LARP4B: variants seen among roughly 807,000 people sequenced by gnomAD.
The protein encoded by LARP4B is La ribonucleoprotein 4B.
LARP4B carries 12 observed loss-of-function variants against 89.8 expected under a neutral mutation model. The observed-to-expected ratio is 0.13, with a 90% confidence interval of 0.09 to 0.22. The LOEUF is 0.22. LARP4B is among the 10% of genes least tolerant of loss of function. The pLI is 1.00. For synonymous variants in LARP4B, 367 were observed against 363.3 expected, an observed-to-expected ratio of 1.01 and a Z score of -0.12; for missense variants, 757 against 947.7, an observed-to-expected ratio of 0.80 and a Z score of 2.64.
At chr10:945,934 G>A in the LARP4B span, among the ~76,000 whole-genome samples, 5 of 152,192 alleles carry the variant, frequency 3.3e-5, no homozygotes, top group Non-Finnish European at 4.4e-5. Context: ...TGCCTGCCAG[G>A]GAGAGGCCCT....
intron 1 of LARP4B, among the ~76,000 whole-genome samples, chr10:889,367 C>T (rs766015600): frequency 1.1e-4 from 17 of 152,022 alleles, no homozygotes; most frequent in Non-Finnish European, 7.4e-5. Context: ...ATCACAGGGC[C>T]GCTCACACAC....
intron 1 of LARP4B, among the ~76,000 whole-genome samples, chr10:915,988 A>G (rs1256672128): frequency 6.6e-6 from 1 of 152,180 alleles, no homozygotes; most frequent in Non-Finnish European, 1.5e-5. Flanking sequence ...TCTAAAATTA[A>G]GTCTTTTCCA....
the LARP4B span, among the ~76,000 whole-genome samples, chr10:982,660 C>A: frequency 6.6e-6 from 1 of 152,226 alleles, no homozygotes. Flanking sequence ...CCACCAATCA[C>A]ATGGCCTTCC....
At chr10:958,982 C>T in the LARP4B span, among the ~76,000 whole-genome samples, 4 of 152,158 alleles carry the variant, frequency 2.6e-5, no homozygotes, top group Admixed American at 1.3e-4. Context: ...GATGGAGTGG[C>T]ATTTGGAAGA....
the LARP4B span, among the ~76,000 whole-genome samples, chr10:940,904 T>A: frequency 6.6e-6 from 1 of 151,808 alleles, no homozygotes; most frequent in Non-Finnish European, 1.5e-5. Context: ...GGATGGAAAG[T>A]TGGGACTTAA....
upstream of LARP4B, among the ~76,000 whole-genome samples, chr10:931,958 A>G (rs1039661691): frequency 2.1e-5 from 3 of 143,044 alleles, no homozygotes; most frequent in East Asian, 2.1e-4. Flanking sequence ...CGCCCCGCGC[A>G]CGCCGCACGT....
At chr10:926,045 A>G (rs1468143879) in intron 1 of LARP4B, among the ~76,000 whole-genome samples, 4 of 152,280 alleles carry the variant, frequency 2.6e-5, no homozygotes, top group Non-Finnish European at 5.9e-5. Flanking sequence ...ATGTGCAAGT[A>G]TACAATCAGC....
the LARP4B span, among the ~76,000 whole-genome samples, chr10:966,547 A>G: frequency 0.092 from 14,019 of 152,346 alleles, 786 homozygotes; most frequent in Middle Eastern, 0.13. Flanking sequence ...CAGTGTCCGC[A>G]CATCCTACCG....
chr10:950,962 TC>T, the LARP4B span, among the ~76,000 whole-genome samples: 4 of 152,200 alleles, frequency 2.6e-5, no homozygotes, highest in East Asian at 7.7e-4. Context: ...TTTCCGTCCT[TC>T]CCGCCTGCCT....
Position 833,577 on chromosome 10 carries a change from T to C in LARP4B, c.751-2600A>G, listed in dbSNP as rs746883166. Among the ~76,000 whole-genome samples the C allele has an allele frequency of 9.6e-4, 146 of 152,208 alleles. 1 individual carries two copies. The highest frequency in any genetic ancestry group is 1.6e-3 in the Non-Finnish European group (107 of 68,036). On this transcript the variant is annotated intron_variant, in intron 8 of 17. Coordinates refer to ENST00000316157, the MANE Select transcript of LARP4B (RefSeq NM_015155.3). Reference sequence around the variant, plus strand: ...ACATCATTAACCTCTTAAATGTAGATGGGCTACACTCCCAATTAAAAGACA... The same window carrying C: ...ACATCATTAACCTCTTAAATGTAGACGGGCTACACTCCCAATTAAAAGACA...
At chr10:889,430 G>A (rs1166118343) in intron 1 of LARP4B, among the ~76,000 whole-genome samples, 1 of 151,990 alleles carries the variant, frequency 6.6e-6, no homozygotes, top group Admixed American at 6.6e-5. Context: ...CAAATCCACC[G>A]AACATGCACA....
chr10:881,279 C>G (rs1835657249), intron 3 of LARP4B, among the ~76,000 whole-genome samples: 2 of 152,210 alleles, frequency 1.3e-5, no homozygotes, highest in Admixed American at 1.3e-4. Flanking sequence ...CTCTCGCCTT[C>G]TATCACCTTA....
chr10:963,693 G>A, the LARP4B span, among the ~76,000 whole-genome samples: 2 of 152,154 alleles, frequency 1.3e-5, no homozygotes, highest in Non-Finnish European at 2.9e-5. Flanking sequence ...CCACAGGCTG[G>A]GTAATTAAGA....
rs545798355 is a variant in LARP4B, at chr10:831,319, A to T, written c.751-342T>A. On this transcript the variant is annotated intron_variant, in intron 8 of 17. Transcript: ENST00000316157. ...TTTTAAAGGCAATTTAAGAAAAAAA[A>T]TTTGCTTGGACTTTTGCTTCTGGCC... 2.7e-5 allele frequency among the ~76,000 whole-genome samples: 4 copies of T among 150,590 alleles called. No homozygotes were observed. The East Asian group carries it at 7.8e-4, about 29-fold the overall frequency.
the LARP4B span, among the ~76,000 whole-genome samples, chr10:960,428 T>C: frequency 6.6e-6 from 1 of 151,866 alleles, no homozygotes; most frequent in Non-Finnish European, 1.5e-5. Flanking sequence ...TGGGAGGCGC[T>C]GGGTATGGTG....
chr10:941,841 T>A, the LARP4B span, among the ~76,000 whole-genome samples: 1 of 152,070 alleles, frequency 6.6e-6, no homozygotes, highest in Non-Finnish European at 1.5e-5. Flanking sequence ...AGTGGTGTGA[T>A]CATAGCTCCC....
At chr10:892,581 G>A (rs1440650846) in intron 1 of LARP4B, among the ~76,000 whole-genome samples, 9 of 151,026 alleles carry the variant, frequency 6.0e-5, no homozygotes, top group East Asian at 3.9e-4. Context: ...GCTCTGTTGC[G>A]CAGGCTGGAG....
rs552080973 is a variant in LARP4B at position 871,267 on chromosome 10, G to A, written c.142-6997C>T. On this transcript the variant is annotated intron_variant, in intron 3 of 17. Coordinates refer to ENST00000316157, the MANE Select transcript of LARP4B (RefSeq NM_015155.3). ...TTGTTTCCCTCTCTTCTTCCTCTGT[G>A]CAGGTGAAAATAAATGCGGAGGAAA... Among the ~76,000 whole-genome samples, 25 of 152,248 alleles carry A rather than the reference G, an allele frequency of 1.6e-4. No homozygotes were observed. The South Asian group carries it at 4.8e-3, about 29-fold the overall frequency.
At chr10:860,433 A>G (rs952333933) in intron 5 of LARP4B, among the ~76,000 whole-genome samples, 3 of 152,156 alleles carry the variant, frequency 2.0e-5, no homozygotes, top group Non-Finnish European at 4.4e-5. Context: ...AAAAGGATAA[A>G]CATGCCTACC....
Sources: allele counts gnomAD v4.1 joint callset (sites outside exome capture counted in the v4.1 genomes callset), GRCh38; gene constraint gnomAD v4.1.1; transcripts MANE v1.5; gene names NCBI Gene and HGNC (gene_info 2026-07-23, HGNC 2026-07-21).